The following ZNF107 variants were observed in gnomAD, a reference collection of about 807,000 sequenced individuals.
ZNF107 encodes C2H2 type zinc-finger protein.
In ZNF107, 19 loss-of-function variants were observed where a neutral mutation model predicts 12.3. The observed-to-expected ratio is 1.55, with a 90% CI of 1.08 to 2.27. The LOEUF is 2.27. ZNF107 is among the 30% of genes most tolerant of loss of function. The pLI, the probability that ZNF107 is intolerant of heterozygous loss-of-function variation, is 0.00. For synonymous variants in ZNF107, 317 were observed against 330.5 expected (o/e 0.96, Z 0.44); for missense variants, 958 against 979.9 (o/e 0.98, Z 0.30).
chr7:64,697,189 T>A (rs1790321231), intron 3 of ZNF107, among the ~76,000 whole-genome samples: 1 of 152,266 alleles, frequency 6.6e-6, no homozygotes, highest in Non-Finnish European at 1.5e-5. Flanking sequence ...GGTGTATATG[T>A]GCCACATTTT....
At chr7:64,683,477 T>G (rs1789769296) in intron 1 of ZNF107, among the ~76,000 whole-genome samples, 1 of 152,170 alleles carries the variant, frequency 6.6e-6, no homozygotes, top group South Asian at 2.1e-4. Context: ...GTATATTTCT[T>G]TCTCATCTAT....
intron 3 of ZNF107, among the ~76,000 whole-genome samples, chr7:64,693,987 C>T (rs1213303522): frequency 6.6e-6 from 1 of 152,082 alleles, no homozygotes; most frequent in Non-Finnish European, 1.5e-5. Context: ...GGAGTTTTAC[C>T]ATGTTGGTCT....
Position 64,710,922 on chromosome 7 carries a change from A to C in ZNF107, c.*2266A>C, listed in dbSNP as rs752549697. On this transcript the variant is annotated 3_prime_UTR_variant, in exon 4 of 4. Transcript: ENST00000620827. ...TCAGAGCAATATTCTTCTGCATTATAGTAAGAGAAAACCATTTTTAATCTT... is the reference window on the plus strand; with the variant it reads ...TCAGAGCAATATTCTTCTGCATTATCGTAAGAGAAAACCATTTTTAATCTT... 1.3e-5 allele frequency: 2 copies of C among 152,200 alleles called. No homozygotes were observed. The highest frequency in any genetic ancestry group is 2.4e-5 in the African/African-American group (1 of 41,466). The allele number at this position is 152,200 out of a possible 1,614,324, so 9.4% of individuals were successfully genotyped here. A position where few individuals can be genotyped will look rare whatever the true frequency, so the allele number is the denominator to read the frequency against.
chr7:64,702,972 C>T (rs981138916), intron 3 of ZNF107, among the ~76,000 whole-genome samples: 11 of 152,016 alleles, frequency 7.2e-5, no homozygotes, highest in African/African-American at 2.4e-4. Context: ...GGAAGTTATC[C>T]GCCTTTTATG....
chr7:64,676,132 A>G (rs1789408202), intron 1 of ZNF107, among the ~76,000 whole-genome samples: 1 of 152,208 alleles, frequency 6.6e-6, no homozygotes, highest in African/African-American at 2.4e-5. Context: ...GACTACAGGC[A>G]TGAGCCACCA....
intron 1 of ZNF107, chr7:64,687,168 G>A: frequency 1.0e-6 from 1 of 986,002 alleles, no homozygotes; most frequent in Non-Finnish European, 1.2e-6. Flanking sequence ...AATGCATTGG[G>A]TGTCTGTTTT....
chr7:64,686,715 T>C (rs1409327324), intron 1 of ZNF107: 40 of 911,696 alleles, frequency 4.4e-5, no homozygotes, highest in Non-Finnish European at 5.2e-5. Flanking sequence ...AACGGGTTTC[T>C]GTTCCAACTG....
Position 64,706,765 on chromosome 7 carries a change from A to G in ZNF107, c.668A>G (p.His223Arg), listed in dbSNP as rs140816486. ...ACTCTTACTAAACATAAGAGAATTC[A>G]TACTGGAGAAAAGCCCTACAAATGT... ...FSTLTKHKRI[H>R]TGEKPYKCEE... Residue 223 changes from histidine to arginine, a missense_variant, in exon 4 of 4, where the codon CAT (histidine) becomes CGT (arginine). Physicochemically the swap from His to Arg is conservative, Grantham distance 29 (BLOSUM62 0). Coordinates refer to ENST00000620827, the MANE Select transcript of ZNF107 (RefSeq NM_001282359.2). The G allele has an allele frequency of 5.6e-6, 9 of 1,613,220 alleles. No individual in the cohort carries two copies. In the African/African-American group the frequency reaches 9.3e-5, roughly 17 times the overall value.
chr7:64,679,493 C>T (rs73361892), intron 1 of ZNF107, among the ~76,000 whole-genome samples: 7,128 of 152,152 alleles, frequency 0.047, 447 homozygotes, highest in African/African-American at 0.14. Flanking sequence ...GTGCCTTGGC[C>T]ACTCATCCAC....
chr7:64,681,385 T>C (rs1789667047), intron 1 of ZNF107, among the ~76,000 whole-genome samples: 2 of 151,918 alleles, frequency 1.3e-5, no homozygotes, highest in Admixed American at 6.6e-5. Flanking sequence ...CAGCACTCCT[T>C]TTTGCACTCC....
chr7:64,694,093 G>A (rs1191443067), intron 3 of ZNF107, among the ~76,000 whole-genome samples: 1 of 152,220 alleles, frequency 6.6e-6, no homozygotes, highest in African/African-American at 2.4e-5. Flanking sequence ...CAGCCACTGT[G>A]TGGGTTTCTA....
At chr7:64,697,391 A>G (rs902356815) in intron 3 of ZNF107, among the ~76,000 whole-genome samples, 2 of 152,226 alleles carry the variant, frequency 1.3e-5, no homozygotes, top group African/African-American at 4.8e-5. Flanking sequence ...AGGAATCGCC[A>G]CACCGACTTC....
rs145575460 is a variant in ZNF107 at position 64,667,412 on chromosome 7, T to G, written c.3+1127T>G. 3.0e-3 allele frequency among the ~76,000 whole-genome samples: 450 copies of G among 152,324 alleles called. 2 individuals are homozygous for G. The highest frequency in any genetic ancestry group is 0.011 in the African/African-American group (441 of 41,582). On this transcript the variant is annotated intron_variant, in intron 1 of 3. Transcript: ENST00000620827. ...GAGAAGAAAACAAAAAATAATCCCC[T>G]GACACTGTATTGTAAAAAAAAGTCT...
chr7:64,677,580 G>A (rs1466662519), intron 1 of ZNF107, among the ~76,000 whole-genome samples: 1 of 151,388 alleles, frequency 6.6e-6, no homozygotes, highest in Non-Finnish European at 1.5e-5. Flanking sequence ...TCGGCTAGGC[G>A]TGGTGGCTCA....
chr7:64,684,856 G>A, intron 1 of ZNF107: 3 of 418,780 alleles, frequency 7.2e-6, no homozygotes, highest in Non-Finnish European at 9.6e-6. Flanking sequence ...CCCACTTCCA[G>A]TAATGCCTAA....
At chr7:64,680,313 C>T (rs756559707) in intron 1 of ZNF107, among the ~76,000 whole-genome samples, 22 of 152,158 alleles carry the variant, frequency 1.4e-4, no homozygotes, top group Non-Finnish European at 2.9e-4. Context: ...CAATATTTAA[C>T]TCAGTCTTAT....
chr7:64,666,408 C>T lies in ZNF107; in HGVS notation c.3+123C>T, dbSNP rs903348597. 6 of 1,347,754 alleles carry T rather than the reference C, an allele frequency of 4.5e-6. No individual in the cohort carries two copies. The African/African-American group carries it at 5.8e-5, about 13-fold the overall frequency. The allele number at this position is 1,347,754 out of a possible 1,614,324, so 83.5% of individuals were successfully genotyped here. ...GCCCCAAGTTCTCCTTGGCGCAGCT[C>T]GGCCCTCAGTCCCCCGCGGCCCCGA... is the stretch of plus-strand genomic sequence containing the variant. On this transcript the variant is annotated intron_variant, in intron 1 of 3. Coordinates refer to ENST00000620827, the MANE Select transcript of ZNF107 (RefSeq NM_001282359.2).
chr7:64,667,989 G>A (rs552925024), intron 1 of ZNF107, among the ~76,000 whole-genome samples: 1 of 151,316 alleles, frequency 6.6e-6, no homozygotes, highest in Admixed American at 6.6e-5. Context: ...CCAGTGAGAT[G>A]GTACAAGAAC....
chr7:64,692,269 C>T (rs75397064), intron 3 of ZNF107, among the ~76,000 whole-genome samples: 8,003 of 152,098 alleles, frequency 0.053, 287 homozygotes, highest in East Asian at 0.15. Context: ...GACACACATA[C>T]ATCTGCATAA....
Sources: allele counts gnomAD v4.1 joint callset (sites outside exome capture counted in the v4.1 genomes callset), GRCh38; gene constraint gnomAD v4.1.1; transcripts MANE v1.5; gene names NCBI Gene and HGNC (gene_info 2026-07-23, HGNC 2026-07-21).